The following FSD1L variants were observed in gnomAD, a reference collection of about 807,000 sequenced individuals.
The protein encoded by FSD1L is fibronectin type III and SPRY domain containing 1 like, also known as FSD1-like protein.
In FSD1L, 45 loss-of-function variants were observed where a neutral mutation model predicts 71.6. That is an observed-to-expected ratio of 0.63 (90% CI 0.49 to 0.81). FSD1L has a LOEUF of 0.81. Among genes scored for constraint, FSD1L ranks in the 30% least tolerant of loss-of-function variants. The pLI is 0.00. For synonymous variants in FSD1L, 197 were observed against 207.2 expected, an observed-to-expected ratio of 0.95 and a Z score of 0.42; for missense variants, 561 against 618.1, an observed-to-expected ratio of 0.91 and a Z score of 0.98.
intron 7 of FSD1L, among the ~76,000 whole-genome samples, chr9:105,502,670 A>T (rs1833831899): frequency 6.6e-6 from 1 of 152,154 alleles, no homozygotes; most frequent in African/African-American, 2.4e-5. Flanking sequence ...TTTGATAAAA[A>T]AAAATGATTT....
At chr9:105,532,083 C>G (rs1305905458) in intron 10 of FSD1L, among the ~76,000 whole-genome samples, 1 of 152,150 alleles carries the variant, frequency 6.6e-6, no homozygotes, top group Non-Finnish European at 1.5e-5. Flanking sequence ...ACCTCTGTGG[C>G]ATCTGTGGAT....
chr9:105,542,554 A>AAT (rs1226347407), intron 13 of FSD1L, among the ~76,000 whole-genome samples: 1 of 152,166 alleles, frequency 6.6e-6, no homozygotes, highest in African/African-American at 2.4e-5. Context: ...CCTGGGCTCA[A>AAT]GTGATCCTCC....
chr9:105,482,851 T>C (rs1459595504), intron 6 of FSD1L, among the ~76,000 whole-genome samples: 2 of 152,194 alleles, frequency 1.3e-5, no homozygotes, highest in African/African-American at 2.4e-5. Context: ...TAAAATACTT[T>C]CGGATTTTTT....
intron 3 of FSD1L, among the ~76,000 whole-genome samples, chr9:105,466,936 T>C (rs1385772381): frequency 6.6e-6 from 1 of 152,108 alleles, no homozygotes; most frequent in Non-Finnish European, 1.5e-5. Context: ...AGTGGGGGAA[T>C]TAAACTACAA....
At chr9:105,445,063 A>C (rs1177529596), upstream of FSD1L, among the ~76,000 whole-genome samples, 1 of 152,224 alleles carries the variant, frequency 6.6e-6, no homozygotes, top group Non-Finnish European at 1.5e-5. Flanking sequence ...TGGCTGTGAA[A>C]AAATAAGTAC....
At chr9:105,451,061 G>A (rs1236513069) in intron 1 of FSD1L, among the ~76,000 whole-genome samples, 4 of 151,924 alleles carry the variant, frequency 2.6e-5, no homozygotes, top group Non-Finnish European at 5.9e-5. Context: ...CCAGGTTCAC[G>A]CCATTCTCCT....
chr9:105,504,988 A>G (rs1168930243), intron 7 of FSD1L, among the ~76,000 whole-genome samples: 1 of 152,212 alleles, frequency 6.6e-6, no homozygotes, highest in African/African-American at 2.4e-5. Flanking sequence ...ATTCTGCATT[A>G]GTGGGGTACA....
chr9:105,546,616 A>G lies in FSD1L; in HGVS notation c.*133A>G. The G allele has an allele frequency of 1.2e-6, 1 of 805,888 alleles. No individual in the cohort carries two copies. Among genetic ancestry groups the G allele is most frequent in the East Asian group, 2.9e-5 (1 of 34,046 alleles). 49.9% of individuals were successfully genotyped at this position (805,888 alleles called of 1,614,324 possible). A position where few individuals can be genotyped will look rare whatever the true frequency, so the allele number is the denominator to read the frequency against. ...GCTTTGAGGCCTGGAATCTTTTATCATTAAACACCTAGTACGAAGCATTTG... is the reference window on the plus strand; with the variant it reads ...GCTTTGAGGCCTGGAATCTTTTATCGTTAAACACCTAGTACGAAGCATTTG... On this transcript the variant is annotated 3_prime_UTR_variant, in exon 14 of 14. Coordinates refer to ENST00000481272, the MANE Select transcript of FSD1L (RefSeq NM_001145313.3).
chr9:105,522,143 A>T, intron 10 of FSD1L: 1 of 1,614,052 alleles, frequency 6.2e-7, no homozygotes, highest in Non-Finnish European at 8.5e-7. Context: ...CCTGGATCAA[A>T]GCAAACCTAA....
chr9:105,530,942 T>A (rs2768279), intron 10 of FSD1L: 96,601 of 180,464 alleles, frequency 0.54, 26,487 homozygotes, highest in East Asian at 0.71. Flanking sequence ...TGAGATGTGG[T>A]TCCTAGCAAC....
intron 5 of FSD1L, chr9:105,472,761 G>A (rs918851018): frequency 1.3e-5 from 2 of 152,096 alleles, no homozygotes; most frequent in African/African-American, 4.8e-5. Context: ...TGAACTTGAA[G>A]GTAGAAAAAA....
rs1034456463 is a variant in FSD1L at position 105,550,934 on chromosome 9, G to T, written c.*4451G>T. ...TAAGCTGGTCCATGGGAATGGACATGAAGAGGATTTCACAGTATGTAGAGC... is the reference window on the plus strand; with the variant it reads ...TAAGCTGGTCCATGGGAATGGACATTAAGAGGATTTCACAGTATGTAGAGC... On this transcript the variant is annotated 3_prime_UTR_variant, in exon 14 of 14. Transcript: ENST00000481272. 1.3e-5 allele frequency: 2 copies of T among 152,092 alleles called. No individual in the cohort carries two copies. Among genetic ancestry groups the T allele is most frequent in the Non-Finnish European group, 2.9e-5 (2 of 67,966 alleles). The allele number at this position is 152,092 out of a possible 1,614,324, so 9.4% of individuals were successfully genotyped here. A position where few individuals can be genotyped will look rare whatever the true frequency, so the allele number is the denominator to read the frequency against.
chr9:105,534,627 A>G (rs1398593686), intron 11 of FSD1L, 34 bp downstream of exon 11: 1 of 1,228,482 alleles, frequency 8.1e-7, no homozygotes, highest in African/African-American at 1.5e-5. Flanking sequence ...TCATTATCTC[A>G]GATTAAAGGC....
rs903097096 is a variant in FSD1L, at chr9:105,520,290, T to G, written c.1025+7354T>G. On this transcript the variant is annotated intron_variant, in intron 10 of 13. Coordinates refer to ENST00000481272, the MANE Select transcript of FSD1L (RefSeq NM_001145313.3). ...ATTCATCCAGATGCCTGAATCCTAGTTCAGAGTTTATCTCGAGCTGTCTTC... is the reference window on the plus strand; with the variant it reads ...ATTCATCCAGATGCCTGAATCCTAGGTCAGAGTTTATCTCGAGCTGTCTTC... The G allele has an allele frequency of 3.2e-6, 5 of 1,549,320 alleles. No individual in the cohort carries two copies. In the African/African-American group the frequency reaches 6.8e-5, roughly 21 times the overall value.
chr9:105,481,008 A>G lies in FSD1L; in HGVS notation c.464+1632A>G, dbSNP rs1004902469. On this transcript the variant is annotated intron_variant, in intron 6 of 13. Coordinates refer to ENST00000481272, the MANE Select transcript of FSD1L (RefSeq NM_001145313.3). ...TCTTTGCCCAGATTTGTTTATCAGAATTTAATTTCATGACCAATTTCAATG... is the reference window on the plus strand; with the variant it reads ...TCTTTGCCCAGATTTGTTTATCAGAGTTTAATTTCATGACCAATTTCAATG... 1.6e-4 allele frequency among the ~76,000 whole-genome samples: 25 copies of G among 152,104 alleles called. No homozygotes were observed. In the South Asian group the frequency reaches 2.1e-3, roughly 13 times the overall value.
At chr9:105,520,619 A>G in intron 10 of FSD1L, 1 of 1,601,294 alleles carries the variant, frequency 6.2e-7, no homozygotes, top group Non-Finnish European at 8.6e-7. Context: ...GAGACTCCTT[A>G]AAGATTAGGC....
At chr9:105,493,873 G>C (rs527703771) in intron 7 of FSD1L, among the ~76,000 whole-genome samples, 1 of 152,352 alleles carries the variant, frequency 6.6e-6, no homozygotes, top group African/African-American at 2.4e-5. Flanking sequence ...GAGATCCGCT[G>C]TTAGTCTGAT....
chr9:105,453,936 G>A (rs946850484), intron 1 of FSD1L, among the ~76,000 whole-genome samples: 18 of 152,162 alleles, frequency 1.2e-4, no homozygotes, highest in Admixed American at 2.0e-4. Context: ...CAGCCACAAG[G>A]TTCTGATAGA....
intron 7 of FSD1L, among the ~76,000 whole-genome samples, chr9:105,490,231 T>G (rs1832833032): frequency 6.6e-6 from 1 of 152,244 alleles, no homozygotes; most frequent in Non-Finnish European, 1.5e-5. Flanking sequence ...ATTGTGGTTT[T>G]GATTTACATT....
Sources: allele counts gnomAD v4.1 joint callset (sites outside exome capture counted in the v4.1 genomes callset), GRCh38; gene constraint gnomAD v4.1.1; transcripts MANE v1.5; gene names NCBI Gene and HGNC (gene_info 2026-07-23, HGNC 2026-07-21).